The following TRPA1 variants were observed in gnomAD, a reference collection of about 807,000 sequenced individuals.
TRPA1 encodes the protein ankyrin-like with transmembrane domains 1.
A neutral mutation model predicts 131.3 loss-of-function variants in TRPA1; 129 were observed. That is an observed-to-expected ratio of 0.98 (90% CI 0.85 to 1.14). TRPA1 has a LOEUF of 1.14. TRPA1 is among the 50% of genes most tolerant of loss of function. The pLI is 0.00. For synonymous variants in TRPA1, 441 were observed against 451.7 expected, an observed-to-expected ratio of 0.98 and a Z score of 0.30; for missense variants, 1,304 against 1,354.2, an observed-to-expected ratio of 0.96 and a Z score of 0.58.
Position 72,059,383 on chromosome 8 carries a change from T to A in TRPA1, c.993+7A>T, listed in dbSNP as rs757559276. The A allele has an allele frequency of 1.2e-5, 18 of 1,537,216 alleles. No homozygotes were observed. The highest frequency in any genetic ancestry group is 1.5e-5 in the Non-Finnish European group (17 of 1,118,084). ...AATAAAAATAAACCAGTAAAAGGAA[T>A]AGTTACCACTGAAATTAAATAGTCT... On this transcript the variant is annotated splice_region_variant and intron_variant, in intron 8 of 26. Coordinates refer to ENST00000262209, the MANE Select transcript of TRPA1 (RefSeq NM_007332.3).
At chr8:72,036,572 G>A (rs2129433701) in intron 20 of TRPA1, 115 bp from the exon 21 acceptor site, 5 of 988,152 alleles carry the variant, frequency 5.1e-6, no homozygotes, top group East Asian at 5.2e-5. Context: ...CTGGGGAGAA[G>A]TTTAGGACCA....
chr8:72,047,533 T>G (rs568028661), intron 15 of TRPA1, among the ~76,000 whole-genome samples: 90 of 152,240 alleles, frequency 5.9e-4, no homozygotes, highest in African/African-American at 1.9e-3. Flanking sequence ...TTTTAGAGGA[T>G]ATATAGATTA....
chr8:72,055,092 A>G lies in TRPA1; in HGVS notation c.1529+344T>C, dbSNP rs562275809. ...CACACATACACAACCACAGTTTTGT[A>G]TCTATATAGGAATATGGCAGCATGA... On this transcript the variant is annotated intron_variant, in intron 12 of 26. Transcript: ENST00000262209. The G allele has an allele frequency of 3.1e-3, 856 of 273,954 alleles. 4 individuals are homozygous for G. Among genetic ancestry groups the G allele is most frequent in the Non-Finnish European group, 4.6e-3 (659 of 143,610 alleles). 17.0% of individuals were successfully genotyped at this position (273,954 alleles called of 1,614,324 possible).
chr8:72,043,343 AT>A (rs1812320956), intron 17 of TRPA1, among the ~76,000 whole-genome samples: 3 of 151,744 alleles, frequency 2.0e-5, no homozygotes, highest in Admixed American at 2.0e-4. Flanking sequence ...CAATTTGCTT[AT>A]TTATTCAACA....
In TRPA1 at chr8:72,071,848, G is replaced by A. The variant is rs754141002; in HGVS notation, c.131C>T (p.Ala44Val). 4 of 1,611,622 alleles carry A rather than the reference G, an allele frequency of 2.5e-6. No homozygotes were observed. In the Admixed American group the frequency reaches 5.0e-5, roughly 20 times the overall value. The change falls in exon 2 of 27, where the codon GCA (alanine) becomes GTA (valine). Residue 44 changes from alanine to valine, a missense_variant. Ala to Val is a moderately conservative substitution (Grantham distance 64, BLOSUM62 0). Transcript: ENST00000262209. ...CTTATTAAAGTTTTGTAATCCATAT[G>A]CACTTCCTTCAAAAACCACCTAGAG... ...ESLKVVFEGS[A>V]YGLQNFNKQK...
intron 4 of TRPA1, among the ~76,000 whole-genome samples, chr8:72,063,981 CTTG>C (rs1283667515): frequency 6.6e-6 from 1 of 152,048 alleles, no homozygotes; most frequent in Non-Finnish European, 1.5e-5. Context: ...TGCCACTACT[CTTG>C]TTAAGCCATG....
rs573376656 is a variant in TRPA1 at position 72,075,396 on chromosome 8, A to G, written c.14T>C (p.Leu5Pro). Residue 5 changes from leucine (L) to proline (P), a missense_variant, in exon 1 of 27, where the codon CTG (leucine) becomes CCG (proline). Leu to Pro is a moderately conservative substitution (Grantham distance 98, BLOSUM62 -3). Coordinates refer to ENST00000262209, the MANE Select transcript of TRPA1 (RefSeq NM_007332.3). Reference sequence around the variant, plus strand: ...TTCTCCAGGGCGCCACATCTTCCTCAGGCTGCGCTTCATTGACCCCACCCC... The same window carrying G: ...TTCTCCAGGGCGCCACATCTTCCTCGGGCTGCGCTTCATTGACCCCACCCC... MKRS[L>P]RKMWRPGEKK... 3.9e-5 allele frequency: 63 copies of G among 1,609,002 alleles called. No individual in the cohort carries two copies. Among genetic ancestry groups the G allele is most frequent in the Non-Finnish European group, 5.1e-5 (60 of 1,179,658 alleles).
At chr8:72,039,861 C>G in intron 17 of TRPA1, 64 bp from the exon 18 acceptor site, 6 of 1,044,930 alleles carry the variant, frequency 5.7e-6, no homozygotes, top group Non-Finnish European at 9.0e-6. Flanking sequence ...ATAAACTAAT[C>G]TATTTATTGT....
At chr8:72,033,858 G>A in intron 22 of TRPA1, 32 bp from the exon 23 acceptor site, 1 of 1,597,458 alleles carries the variant, frequency 6.3e-7, no homozygotes, top group Middle Eastern at 1.7e-4. Context: ...CAAATGAAAT[G>A]CAAAGTTTCT....
intron 20 of TRPA1, 105 bp from the exon 21 acceptor site, chr8:72,036,562 C>A: frequency 8.9e-7 from 1 of 1,121,828 alleles, no homozygotes; most frequent in South Asian, 1.4e-5. Context: ...TTGCAGCCAG[C>A]TGGGGAGAAG....
chr8:72,056,827 T>G, intron 10 of TRPA1, 90 bp downstream of exon 10: 1 of 917,502 alleles, frequency 1.1e-6, no homozygotes, highest in Non-Finnish European at 1.7e-6. Context: ...CAGAATCAGT[T>G]TATATAATAA....
chr8:72,071,848 G>T lies in TRPA1; in HGVS notation c.131C>A (p.Ala44Glu). 1 of 1,611,740 alleles carries T rather than the reference G, an allele frequency of 6.2e-7. No homozygotes were observed. The highest frequency in any genetic ancestry group is 1.1e-5 in the South Asian group (1 of 90,960). ...ESLKVVFEGS[A>E]YGLQNFNKQK... ...CTTATTAAAGTTTTGTAATCCATAT[G>T]CACTTCCTTCAAAAACCACCTAGAG... Residue 44 changes from alanine (A) to glutamate (E), a missense_variant, in exon 2 of 27, where the codon GCA becomes GAA. By Grantham distance (107) the Ala-to-Glu change is moderately radical (BLOSUM62 -1). Transcript: ENST00000262209.
chr8:72,089,106 CAT>C, the TRPA1 span, among the ~76,000 whole-genome samples: 1 of 150,990 alleles, frequency 6.6e-6, no homozygotes, highest in Non-Finnish European at 1.5e-5. Flanking sequence ...TGACTATGCA[CAT>C]ATTTTATTAC....
intron 15 of TRPA1, among the ~76,000 whole-genome samples, chr8:72,049,994 G>A (rs1055777772): frequency 3.3e-5 from 5 of 151,380 alleles, no homozygotes; most frequent in South Asian, 2.1e-4. Flanking sequence ...TATGCACAAC[G>A]TGCAGGTTTG....
chr8:72,038,443 T>C (rs1812135823), intron 19 of TRPA1, among the ~76,000 whole-genome samples: 1 of 152,082 alleles, frequency 6.6e-6, no homozygotes, highest in Admixed American at 6.6e-5. Context: ...TGGCATTAAG[T>C]ATATTCACAG....
chr8:72,074,711 T>C (rs757327734), intron 1 of TRPA1, among the ~76,000 whole-genome samples: 4 of 152,164 alleles, frequency 2.6e-5, no homozygotes, highest in Non-Finnish European at 4.4e-5. Flanking sequence ...CTCAGGTCAC[T>C]CACCCATCTT....
intron 17 of TRPA1, among the ~76,000 whole-genome samples, chr8:72,045,035 GAATTAA>G (rs1812380643): frequency 6.6e-6 from 1 of 151,732 alleles, no homozygotes; most frequent in South Asian, 2.1e-4. Flanking sequence ...TTTAAAATTA[GAATTAA>G]AAAACACATA....
intron 17 of TRPA1, among the ~76,000 whole-genome samples, chr8:72,040,477 C>G (rs559193354): frequency 1.3e-5 from 2 of 152,220 alleles, no homozygotes; most frequent in East Asian, 3.9e-4. Flanking sequence ...TAGGAAAATG[C>G]ATGGCCTTTA....
In TRPA1 at chr8:72,061,640, T is replaced by G. The variant is rs1393241015; in HGVS notation, c.929A>C (p.Glu310Ala). Reference protein sequence around the residue: ...DIVNTTDGCHETMLHRASLFD... With the variant: ...DIVNTTDGCHATMLHRASLFD... ...GGAAACTTGCCTGTGAAGCATGGTCTCATGACATCCATCGGTTGTGTTAAC... is the reference window on the plus strand; with the variant it reads ...GGAAACTTGCCTGTGAAGCATGGTCGCATGACATCCATCGGTTGTGTTAAC... The change falls in exon 7 of 27, where the codon GAG (glutamate) becomes GCG (alanine). Residue 310 changes from glutamate to alanine, a missense_variant. Physicochemically the swap from Glu to Ala is moderately radical, Grantham distance 107. Coordinates refer to ENST00000262209, the MANE Select transcript of TRPA1 (RefSeq NM_007332.3). 1 of 1,614,026 alleles carries G rather than the reference T, an allele frequency of 6.2e-7. No individual in the cohort carries two copies. The highest frequency in any genetic ancestry group is 1.1e-5 in the South Asian group (1 of 91,086).
Sources: gnomAD v4.1 joint callset for allele counts (sites outside exome capture counted in the v4.1 genomes callset) on GRCh38, gnomAD v4.1.1 for gene constraint, MANE v1.5 for transcripts, NCBI Gene and HGNC (gene_info 2026-07-23, HGNC 2026-07-21) for gene names.